The following RAPH1 variants were observed in gnomAD, a reference collection of about 807,000 sequenced individuals.
RAPH1 encodes the protein Ras association (RalGDS/AF-6) and pleckstrin homology domains 1, also known as ras-associated and pleckstrin homology domains-containing protein 1.
Under a neutral mutation model 88.1 loss-of-function variants are expected in RAPH1, and 18 were observed. The observed-to-expected ratio is 0.20, with a 90% CI of 0.14 to 0.30. RAPH1 has a LOEUF of 0.30. Among genes scored for constraint, RAPH1 ranks in the 10% least tolerant of loss-of-function variants. The pLI is 1.00. For missense variants in RAPH1, 1,448 were observed against 1,543.2 expected, an observed-to-expected ratio of 0.94 and a Z score of 1.03; for synonymous variants, 587 against 559.0, an observed-to-expected ratio of 1.05 and a Z score of -0.71.
At chr2:203,506,744 A>ATATATATATATATCTATATATATATC (rs1689028385) in intron 1 of RAPH1, among the ~76,000 whole-genome samples, 2 of 108,522 alleles carry the variant, frequency 1.8e-5, no homozygotes, top group African/African-American at 1.3e-4. Flanking sequence ...ATATATATCT[A>ATATATATATATATCTATATATATATC]TATATATATA....
At chr2:203,477,183 T>A (rs767498876) in intron 4 of RAPH1, 26 of 1,587,084 alleles carry the variant, frequency 1.6e-5, no homozygotes, top group Non-Finnish European at 2.2e-5. Context: ...AGGAAGAAAA[T>A]GATAGGTAAA....
In RAPH1 at chr2:203,439,651, C is replaced by T. The variant is rs766269140; in HGVS notation, c.3539G>A (p.Arg1180Gln). The change falls in exon 14 of 14, where the codon CGG becomes CAG. Residue 1180 changes from arginine to glutamine, a missense_variant. Physicochemically the swap from Arg to Gln is conservative, Grantham distance 43. Around this residue, in one of 2 missense-constraint regions of RAPH1, gnomAD observed 935 missense variants for 890.1 expected, o/e 1.05. Coordinates refer to ENST00000319170, the MANE Select transcript of RAPH1 (RefSeq NM_213589.3). Reference protein sequence around the residue: ...NRTLQRKSITRHGSLSSRMSR... With the variant: ...NRTLQRKSITQHGSLSSRMSR... ...CATGCGGGAGGAGAGTGAGCCGTGC[C>T]GAGTGATGGACTTTCGTTGCAGTGT... The T allele has an allele frequency of 3.7e-6, 6 of 1,613,898 alleles. No individual in the cohort carries two copies. Among genetic ancestry groups the T allele is most frequent in the East Asian group, 2.2e-5 (1 of 44,878 alleles).
intron 13 of RAPH1, chr2:203,441,660 C>G (rs2098504311): frequency 7.6e-7 from 1 of 1,314,840 alleles, no homozygotes; most frequent in Non-Finnish European, 9.6e-7. Context: ...ATCTAACAAT[C>G]TAGGAAAAAT....
At chr2:203,534,504 GTCCA>G (rs1690525974) in intron 1 of RAPH1, among the ~76,000 whole-genome samples, 2 of 9,100 alleles carry the variant, frequency 2.2e-4, no homozygotes, top group African/African-American at 2.6e-4. Flanking sequence ...CCCTCCCTCC[GTCCA>G]CCCCCCCCCC....
At chr2:203,525,961 A>G (rs1400116564) in intron 1 of RAPH1, among the ~76,000 whole-genome samples, 1 of 152,194 alleles carries the variant, frequency 6.6e-6, no homozygotes, top group Non-Finnish European at 1.5e-5. Flanking sequence ...AGAGCAGGGT[A>G]ATGGAAAATG....
intron 1 of RAPH1, among the ~76,000 whole-genome samples, chr2:203,511,778 T>C (rs1430381124): frequency 6.6e-6 from 1 of 152,074 alleles, no homozygotes; most frequent in Admixed American, 6.6e-5. Context: ...TCCCAATTCC[T>C]ATATATGAAA....
At chr2:203,478,329 C>T (rs189827138) in intron 4 of RAPH1, among the ~76,000 whole-genome samples, 58 of 152,074 alleles carry the variant, frequency 3.8e-4, no homozygotes, top group Non-Finnish European at 6.2e-4. Flanking sequence ...CCACTGAGCC[C>T]GGCTTGTCAT....
At chr2:203,449,190 T>C (rs979022697) in intron 10 of RAPH1, among the ~76,000 whole-genome samples, 1 of 152,204 alleles carries the variant, frequency 6.6e-6, no homozygotes, top group African/African-American at 2.4e-5. Context: ...AGGAAGAGAA[T>C]GTTTAATTTC....
chr2:203,472,758 G>C (rs1047359379), intron 4 of RAPH1, among the ~76,000 whole-genome samples: 10 of 152,086 alleles, frequency 6.6e-5, no homozygotes, highest in Admixed American at 1.3e-4. Context: ...TTTGGTAAAT[G>C]TAATTCCAAA....
At chr2:203,522,284 T>C (rs1000565942) in intron 1 of RAPH1, among the ~76,000 whole-genome samples, 2 of 152,204 alleles carry the variant, frequency 1.3e-5, no homozygotes, top group Admixed American at 1.3e-4. Flanking sequence ...ATACCAAATC[T>C]CGATTTATAT....
intron 1 of RAPH1, among the ~76,000 whole-genome samples, chr2:203,508,689 TAAGA>T (rs1689199745): frequency 1.3e-5 from 2 of 151,652 alleles, no homozygotes; most frequent in Admixed American, 1.3e-4. Context: ...CAAAATAAAT[TAAGA>T]AAGAGAGAGA....
intron 1 of RAPH1, among the ~76,000 whole-genome samples, chr2:203,496,443 A>AG (rs1163403249): frequency 6.6e-6 from 1 of 152,238 alleles, no homozygotes; most frequent in Non-Finnish European, 1.5e-5. Flanking sequence ...ATTACATAAA[A>AG]CAATGTAAGA....
At chr2:203,518,283 A>T (rs1292158662) in intron 1 of RAPH1, among the ~76,000 whole-genome samples, 1 of 152,144 alleles carries the variant, frequency 6.6e-6, no homozygotes, top group Non-Finnish European at 1.5e-5. Context: ...TGAAAGGACA[A>T]GGTTGGCAGA....
chr2:203,506,800 ATATATC>A (rs1205445417), intron 1 of RAPH1, among the ~76,000 whole-genome samples: 1 of 121,488 alleles, frequency 8.2e-6, no homozygotes, highest in Admixed American at 8.6e-5. Flanking sequence ...ATATCTATAT[ATATATC>A]TATATCTATA....
intron 1 of RAPH1, among the ~76,000 whole-genome samples, chr2:203,525,127 A>G (rs1157158974): frequency 6.6e-6 from 1 of 152,242 alleles, no homozygotes; most frequent in East Asian, 1.9e-4. Context: ...GTCCCAAACT[A>G]GAAGCAGCCC....
chr2:203,529,942 A>G (rs1396336113), intron 1 of RAPH1, among the ~76,000 whole-genome samples: 3 of 152,126 alleles, frequency 2.0e-5, no homozygotes, highest in African/African-American at 7.2e-5. Context: ...CTTCAGTGTC[A>G]TCTTCTACTG....
chr2:203,484,630 C>CA (rs1276455190), intron 4 of RAPH1, among the ~76,000 whole-genome samples: 1 of 152,324 alleles, frequency 6.6e-6, no homozygotes, highest in Non-Finnish European at 1.5e-5. Context: ...GCTGGGCCAG[C>CA]ACTGGAGAAA....
chr2:203,504,858 C>T lies in RAPH1; in HGVS notation c.1-9505G>A, dbSNP rs114233031. ...CATCTCTCTCAATTTCAAAGTTCTA[C>T]AAATCTCTAGCGCAGGGGCAAAATG... On this transcript the variant is annotated intron_variant, in intron 1 of 13. Coordinates refer to ENST00000319170, the MANE Select transcript of RAPH1 (RefSeq NM_213589.3). Among the ~76,000 whole-genome samples the T allele has an allele frequency of 6.6e-3, 1,001 of 152,238 alleles. 5 individuals are homozygous for T. The highest frequency in any genetic ancestry group is 9.8e-3 in the Non-Finnish European group (669 of 68,014).
rs537036777 is a variant in RAPH1, at chr2:203,496,965, T to C, written c.1-1612A>G. 5.8e-4 allele frequency among the ~76,000 whole-genome samples: 89 copies of C among 152,332 alleles called. No individual in the cohort carries two copies. In the East Asian group the frequency reaches 0.014, roughly 24 times the overall value. On this transcript the variant is annotated intron_variant, in intron 1 of 13. Transcript: ENST00000319170. ...TATGGGCATTCCATTAAAAAAGATATGCCTAATCTTTACTAACTTGATATA... is the reference window on the plus strand; with the variant it reads ...TATGGGCATTCCATTAAAAAAGATACGCCTAATCTTTACTAACTTGATATA...
Sources: allele counts gnomAD v4.1 joint callset (sites outside exome capture counted in the v4.1 genomes callset), GRCh38; gene constraint gnomAD v4.1.1; regional missense constraint gnomAD v4.1.1; transcripts MANE v1.5; gene names NCBI Gene and HGNC (gene_info 2026-07-23, HGNC 2026-07-21).